CDHR3: variants seen among roughly 807,000 people sequenced by gnomAD.
CDHR3 encodes cadherin-related family member 3.
Under a neutral mutation model 86.6 loss-of-function variants are expected in CDHR3, and 79 were observed. That is an observed-to-expected ratio of 0.91 (90% CI 0.76 to 1.10). CDHR3 has a LOEUF of 1.10. CDHR3 is among the 50% of genes least tolerant of loss of function. CDHR3 has a pLI of 0.00. For synonymous variants in CDHR3, 421 were observed against 402.4 expected, an observed-to-expected ratio of 1.05 and a Z score of -0.55; for missense variants, 1,081 against 1,077.6, an observed-to-expected ratio of 1.00 and a Z score of -0.04.
At chr7:106,000,854 T>G (rs1047713411) in intron 6 of CDHR3, among the ~76,000 whole-genome samples, 2 of 148,112 alleles carry the variant, frequency 1.4e-5, no homozygotes, top group Non-Finnish European at 3.0e-5. Flanking sequence ...TTAATGCAAC[T>G]TGGAAAGGTG....
In CDHR3 at chr7:106,004,579, T is replaced by A. The variant is rs1436323107; in HGVS notation, c.944T>A (p.Val315Asp). ...LRQNPTISLE[V>D]LVKDRPYGGQ... is the part of the protein sequence containing the mutation. ...CAAAATCCCACCATTTCCCTGGAAGTTCTAGTGAAGGACAGACCATATGGG... is the reference window on the plus strand; with the variant it reads ...CAAAATCCCACCATTTCCCTGGAAGATCTAGTGAAGGACAGACCATATGGG... The change falls in exon 8 of 19, where the codon GTT becomes GAT. Residue 315 changes from valine to aspartate, a missense_variant. By Grantham distance (152) the Val-to-Asp change is radical (BLOSUM62 -3). Coordinates refer to ENST00000317716, the MANE Select transcript of CDHR3 (RefSeq NM_152750.5). 4 of 1,613,838 alleles carry A rather than the reference T, an allele frequency of 2.5e-6. No individual in the cohort carries two copies. Among genetic ancestry groups the A allele is most frequent in the Admixed American group, 1.7e-5 (1 of 60,004 alleles).
intron 4 of CDHR3, among the ~76,000 whole-genome samples, chr7:105,991,610 A>T (rs890734033): frequency 1.3e-5 from 2 of 152,234 alleles, no homozygotes; most frequent in Admixed American, 6.5e-5. Flanking sequence ...ATTTTTAAAA[A>T]ATGTTTTACA....
intron 2 of CDHR3, among the ~76,000 whole-genome samples, chr7:105,978,848 G>A (rs546952835): frequency 6.6e-6 from 1 of 152,078 alleles, no homozygotes; most frequent in South Asian, 2.1e-4. Context: ...TACTCCCCAA[G>A]GAGAAGAGGC....
At chr7:106,026,519 C>T (rs959215066) in intron 15 of CDHR3, among the ~76,000 whole-genome samples, 163 bp from the exon 16 acceptor site, 43 of 152,122 alleles carry the variant, frequency 2.8e-4, no homozygotes, top group African/African-American at 9.4e-4. Context: ...TCGAAGCAGG[C>T]GTGGTGATCT....
In CDHR3 at chr7:105,981,176, T is replaced by C. The variant is rs369088486; in HGVS notation, c.415+43T>C. 5.3e-5 allele frequency: 85 copies of C among 1,591,856 alleles called. No individual in the cohort carries two copies. In the African/African-American group the frequency reaches 1.0e-3, roughly 20 times the overall value. Reference sequence around the variant, plus strand: ...GTGCACTGCAGCCCAGACAGTGGCATCAGGGAGGGCCCTGGGGGACAGAGA... The same window carrying C: ...GTGCACTGCAGCCCAGACAGTGGCACCAGGGAGGGCCCTGGGGGACAGAGA... On this transcript the variant is annotated intron_variant, in intron 3 of 18. Transcript: ENST00000317716.
At chr7:105,965,571 C>CCG (rs1554507753) in intron 1 of CDHR3, among the ~76,000 whole-genome samples, 1 of 112,394 alleles carries the variant, frequency 8.9e-6, no homozygotes, top group Non-Finnish European at 1.9e-5. Flanking sequence ...AGCCCCACCC[C>CCG]CCCCCATGGA....
At chr7:105,980,918 A>G (rs930113767) in intron 2 of CDHR3, 50 bp from the exon 3 acceptor site, 26 of 1,542,284 alleles carry the variant, frequency 1.7e-5, no homozygotes, top group Non-Finnish European at 1.9e-5. Flanking sequence ...CATGCATGCA[A>G]AACAGATCTT....
chr7:106,024,103 T>A (rs1176543493), intron 14 of CDHR3, among the ~76,000 whole-genome samples: 1 of 151,668 alleles, frequency 6.6e-6, no homozygotes, highest in Non-Finnish European at 1.5e-5. Context: ...GCCAATGGAG[T>A]TTTTTTTAGC....
intron 4 of CDHR3, among the ~76,000 whole-genome samples, chr7:105,987,656 G>A (rs571391487): frequency 7.9e-5 from 12 of 152,286 alleles, no homozygotes; most frequent in South Asian, 2.1e-4. Flanking sequence ...CCCTGTGAAA[G>A]TCTGATGTGA....
rs1838808619 is a variant in CDHR3, at chr7:106,035,118, G to A, written c.*2421G>A. On this transcript the variant is annotated 3_prime_UTR_variant, in exon 19 of 19. Transcript: ENST00000317716. ...AAAAAAGAATAATTAAAAGGAGAGA[G>A]TGGTGAGCAGCTGGTCTTTCTTCTC... Among the ~76,000 whole-genome samples, 1 of 151,966 alleles carries A rather than the reference G, an allele frequency of 6.6e-6. No homozygotes were observed. The highest frequency in any genetic ancestry group is 2.1e-4 in the South Asian group (1 of 4,816).
At chr7:105,993,320 C>T (rs1360855855) in intron 4 of CDHR3, among the ~76,000 whole-genome samples, 1 of 152,096 alleles carries the variant, frequency 6.6e-6, no homozygotes, top group African/African-American at 2.4e-5. Flanking sequence ...AGCAATTGGT[C>T]ACATCAGCCC....
intron 1 of CDHR3, among the ~76,000 whole-genome samples, chr7:105,968,356 C>T (rs1011318448): frequency 6.6e-6 from 1 of 151,810 alleles, no homozygotes; most frequent in African/African-American, 2.4e-5. Flanking sequence ...TTCTTTCTTT[C>T]TTTTTTTTAT....
intron 18 of CDHR3, among the ~76,000 whole-genome samples, chr7:106,031,574 G>A (rs545729110): frequency 6.6e-6 from 1 of 152,144 alleles, no homozygotes; most frequent in Non-Finnish European, 1.5e-5. Flanking sequence ...TGCCGCCGCC[G>A]CTGCTGCTGC....
At chr7:105,965,921 A>T (rs1423986886) in intron 1 of CDHR3, among the ~76,000 whole-genome samples, 1 of 152,190 alleles carries the variant, frequency 6.6e-6, no homozygotes, top group East Asian at 1.9e-4. Flanking sequence ...ACATTTACTG[A>T]TACACCCCAA....
intron 2 of CDHR3, among the ~76,000 whole-genome samples, chr7:105,980,585 GTTTTTTT>G (rs56057580): frequency 1.9e-5 from 2 of 105,540 alleles, no homozygotes; most frequent in African/African-American, 7.3e-5. Flanking sequence ...GTAGTGGAAG[GTTTTTTT>G]TTTTTTTTTT....
chr7:105,971,626 G>T, intron 1 of CDHR3, among the ~76,000 whole-genome samples: 1 of 152,124 alleles, frequency 6.6e-6, no homozygotes, highest in African/African-American at 2.4e-5. Flanking sequence ...AAAATCAGTG[G>T]ATATACTTCT....
At chr7:106,008,961 T>G (rs929784431) in intron 8 of CDHR3, among the ~76,000 whole-genome samples, 27 of 152,170 alleles carry the variant, frequency 1.8e-4, no homozygotes, top group African/African-American at 6.5e-4. Flanking sequence ...AATTGTATAT[T>G]TGGCTTCCTG....
rs1033811713 is a variant in CDHR3, at chr7:106,007,016, A to G, written c.1052+2329A>G. Among the ~76,000 whole-genome samples the G allele has an allele frequency of 5.3e-5, 8 of 152,330 alleles. No individual in the cohort carries two copies. In the East Asian group the frequency reaches 1.5e-3, roughly 29 times the overall value. ...GGAGGTTCTCAAACCTCAATTCTTG[A>G]CTTCTGTGCAGCCGCAGGCTCAACA... On this transcript the variant is annotated intron_variant, in intron 8 of 18. Transcript: ENST00000317716.
intron 3 of CDHR3, 38 bp downstream of exon 3, chr7:105,981,171 TGGCATCAGGGAGG>T: frequency 6.3e-7 from 1 of 1,596,748 alleles, no homozygotes; most frequent in Non-Finnish European, 8.6e-7. Flanking sequence ...GCCCAGACAG[TGGCATCAGGGAGG>T]GCCCTGGGGG....
Sources: allele counts gnomAD v4.1 joint callset (sites outside exome capture counted in the v4.1 genomes callset), GRCh38; gene constraint gnomAD v4.1.1; transcripts MANE v1.5; gene names NCBI Gene and HGNC (gene_info 2026-07-23, HGNC 2026-07-21).